The following MGAT4C variants were observed in gnomAD, a reference collection of about 807,000 sequenced individuals.
MGAT4C encodes the protein MGAT4 family member C.
Under a neutral mutation model 40.1 loss-of-function variants are expected in MGAT4C, and 19 were observed. The observed-to-expected ratio is 0.47, with a 90% CI of 0.33 to 0.70. The LOEUF (loss-of-function observed/expected upper bound fraction) is 0.70. MGAT4C is among the 30% of genes least tolerant of loss of function. The pLI is 0.02. For synonymous variants in MGAT4C, 181 were observed against 187.1 expected (o/e 0.97, Z 0.27); for missense variants, 491 against 563.2 (o/e 0.87, Z 1.30).
intron 1 of MGAT4C, among the ~76,000 whole-genome samples, chr12:86,248,662 T>C (rs1952143249): frequency 6.6e-6 from 1 of 152,108 alleles, no homozygotes; most frequent in South Asian, 2.1e-4. Flanking sequence ...TGCTCTGCTA[T>C]GACACACATT....
intron 1 of MGAT4C, among the ~76,000 whole-genome samples, chr12:86,807,297 C>T (rs1228353476): frequency 6.6e-6 from 1 of 151,992 alleles, no homozygotes; most frequent in Admixed American, 6.6e-5. Flanking sequence ...CTCAGACAGG[C>T]CCCAGTGTGT....
At chr12:86,654,088 A>T (rs11610801) in intron 2 of MGAT4C, among the ~76,000 whole-genome samples, 17,981 of 152,008 alleles carry the variant, frequency 0.12, 1,748 homozygotes, top group African/African-American at 0.27. Flanking sequence ...AAAAAAGTCT[A>T]TATTCTTAAA....
At chr12:86,210,488 T>C (rs2135957017) in intron 1 of MGAT4C, among the ~76,000 whole-genome samples, 1 of 152,348 alleles carries the variant, frequency 6.6e-6, no homozygotes, top group Non-Finnish European at 1.5e-5. Context: ...ACTCATAAGC[T>C]CAGCTTTAGT....
intron 3 of MGAT4C, among the ~76,000 whole-genome samples, chr12:86,394,415 T>C (rs1287311008): frequency 6.7e-6 from 1 of 150,288 alleles, no homozygotes; most frequent in African/African-American, 2.4e-5. Flanking sequence ...ATTAGTCCAC[T>C]GAATATTATC....
chr12:86,241,791 C>T (rs1056038946), intron 1 of MGAT4C, among the ~76,000 whole-genome samples: 2 of 152,138 alleles, frequency 1.3e-5, no homozygotes, highest in Admixed American at 6.6e-5. Context: ...ACCTTCACTT[C>T]AGGTGGTTAA....
intron 1 of MGAT4C, among the ~76,000 whole-genome samples, chr12:86,731,557 A>T (rs569865266): frequency 8.4e-4 from 127 of 152,028 alleles, no homozygotes; most frequent in African/African-American, 2.9e-3. Context: ...TTATTGTTGT[A>T]ACCTATGAAG....
intron 1 of MGAT4C, among the ~76,000 whole-genome samples, chr12:86,165,382 G>A (rs187828725): frequency 1.7e-3 from 255 of 152,044 alleles, no homozygotes; most frequent in Non-Finnish European, 3.0e-3. Flanking sequence ...CATAATTTTA[G>A]AACAGTTTAT....
At chr12:86,752,401 A>G (rs1212727654) in intron 1 of MGAT4C, among the ~76,000 whole-genome samples, 1 of 152,072 alleles carries the variant, frequency 6.6e-6, no homozygotes, top group Non-Finnish European at 1.5e-5. Context: ...AAATCAGATA[A>G]CACTAATCGT....
intron 3 of MGAT4C, among the ~76,000 whole-genome samples, chr12:86,376,670 C>T (rs1332022601): frequency 1.3e-5 from 2 of 151,668 alleles, no homozygotes; most frequent in African/African-American, 2.4e-5. Context: ...AAGTATTTAA[C>T]AAAAATCATC....
intron 2 of MGAT4C, among the ~76,000 whole-genome samples, chr12:86,047,665 A>G (rs1892525770): frequency 6.6e-6 from 1 of 152,120 alleles, no homozygotes; most frequent in East Asian, 1.9e-4. Context: ...ATGGCGAAAA[A>G]GGGTCTAAAA....
intron 3 of MGAT4C, among the ~76,000 whole-genome samples, chr12:86,432,739 A>C (rs142610615): frequency 1.3e-5 from 2 of 152,238 alleles, no homozygotes; most frequent in African/African-American, 4.8e-5. Flanking sequence ...AAAGTAATAA[A>C]AACTTTTCTA....
At chr12:86,747,767 G>T (rs751506745) in intron 1 of MGAT4C, among the ~76,000 whole-genome samples, 4 of 151,342 alleles carry the variant, frequency 2.6e-5, no homozygotes, top group Non-Finnish European at 4.4e-5. Flanking sequence ...GTAGCTGGAA[G>T]GAAATTTTTT....
chr12:86,549,891 T>C (rs1436042753), intron 2 of MGAT4C, among the ~76,000 whole-genome samples: 4 of 152,162 alleles, frequency 2.6e-5, no homozygotes, highest in African/African-American at 9.7e-5. Flanking sequence ...GAGTTCCTGT[T>C]GTGGGGAAAG....
At chr12:86,385,818 G>C (rs748153955) in intron 3 of MGAT4C, among the ~76,000 whole-genome samples, 2 of 152,030 alleles carry the variant, frequency 1.3e-5, no homozygotes, top group Admixed American at 1.3e-4. Context: ...ACCTCCTCAC[G>C]GTACCCTTTC....
intron 1 of MGAT4C, among the ~76,000 whole-genome samples, chr12:86,799,395 T>C (rs1447740166): frequency 6.6e-6 from 1 of 151,934 alleles, no homozygotes; most frequent in Non-Finnish European, 1.5e-5. Context: ...TGCTTTAAAA[T>C]CTCAGTTTTA....
chr12:86,179,905 A>G (rs1322638459), intron 1 of MGAT4C, among the ~76,000 whole-genome samples: 1 of 152,256 alleles, frequency 6.6e-6, no homozygotes, highest in African/African-American at 2.4e-5. Flanking sequence ...AGAAATTTGC[A>G]TAAGTAGCAA....
chr12:86,403,354 T>C (rs915109789), intron 3 of MGAT4C, among the ~76,000 whole-genome samples: 1 of 152,212 alleles, frequency 6.6e-6, no homozygotes, highest in Non-Finnish European at 1.5e-5. Context: ...CTGTAACACA[T>C]TGTACTAAGG....
intron 1 of MGAT4C, among the ~76,000 whole-genome samples, chr12:86,777,419 T>G (rs1261323431): frequency 1.3e-5 from 2 of 152,196 alleles, no homozygotes; most frequent in African/African-American, 2.4e-5. Flanking sequence ...TGCAGATAAT[T>G]TATCAGAATT....
At chr12:86,452,823 C>T (rs1957448770) in intron 2 of MGAT4C, among the ~76,000 whole-genome samples, 1 of 152,050 alleles carries the variant, frequency 6.6e-6, no homozygotes, top group Non-Finnish European at 1.5e-5. Context: ...CAACTGTAGA[C>T]TGTATTTGTC....
Sources: allele counts gnomAD v4.1 joint callset (sites outside exome capture counted in the v4.1 genomes callset), GRCh38; gene constraint gnomAD v4.1.1; transcripts MANE v1.5; gene names NCBI Gene and HGNC (gene_info 2026-07-23, HGNC 2026-07-21).